The following GMPPB variants were observed in gnomAD, a reference collection of about 807,000 sequenced individuals.
GMPPB encodes the protein mannose-1-phosphate guanylyltransferase catalytic subunit beta.
GMPPB carries 38 observed loss-of-function variants against 40.3 expected under a neutral mutation model. That is an observed-to-expected ratio of 0.94 (90% CI 0.73 to 1.24). GMPPB has a LOEUF of 1.24. Among genes scored for constraint, GMPPB ranks in the 50% most tolerant of loss-of-function variants. The probability of loss-of-function intolerance (pLI) is 0.00; values close to 1 mark genes in which losing one functional copy is unlikely to be tolerated. For missense variants in GMPPB, 436 were observed against 487.1 expected (o/e 0.90, Z 0.99); for synonymous variants, 193 against 191.8 (o/e 1.01, Z -0.05).
rs756576625 is a variant in GMPPB at position 49,722,370 on chromosome 3, G to A, written c.641-12C>T. 6.2e-7 allele frequency: 1 copy of A among 1,613,590 alleles called. No individual in the cohort carries two copies. The highest frequency in any genetic ancestry group is 1.1e-5 in the South Asian group (1 of 91,028). The stretch of plus-strand genomic sequence containing the variant: ...GTCCATCCAGAAGCCTGTAGGGAGG[G>A]ATGCATCAGGGGCCTCAGCCCAGCC... On this transcript the variant is annotated splice_polypyrimidine_tract_variant and intron_variant, in intron 6 of 8. Coordinates refer to ENST00000308388, the MANE Select transcript of GMPPB (RefSeq NM_021971.4).
chr3:49,722,804 T>C (rs778763772), intron 4 of GMPPB, 50 bp from the exon 5 acceptor site: 1 of 1,574,942 alleles, frequency 6.3e-7, no homozygotes, highest in Non-Finnish European at 8.6e-7. Context: ...TCCTAAGCCT[T>C]GATACACATG....
Position 49,722,655 on chromosome 3 carries a change from A to C in GMPPB, c.502T>G (p.Ser168Ala). The C allele has an allele frequency of 6.2e-7, 1 of 1,614,004 alleles. No individual in the cohort carries two copies. The highest frequency in any genetic ancestry group is 2.2e-5 in the East Asian group (1 of 44,886). ...TACATGCCTGCGTTGATCTTATTGG[A>C]CACAAACACCTGTGGCTTCTCCACG... The part of the protein sequence containing the change: ...RFVEKPQVFV[S>A]NKINAGMYIL... The change falls in exon 5 of 9, where the codon TCC (serine) becomes GCC (alanine). Residue 168 changes from serine to alanine, a missense_variant. Physicochemically the swap from Ser to Ala is moderately conservative, Grantham distance 99 (BLOSUM62 1). Transcript: ENST00000308388.
rs1232189076 is a variant in GMPPB, at chr3:49,723,097, C to T, written c.277G>A (p.Ala93Thr). The change falls in exon 4 of 9, where the codon GCC (alanine) becomes ACC (threonine). Residue 93 changes from alanine (A) to threonine (T), a missense_variant. By Grantham distance (58) the Ala-to-Thr change is moderately conservative (BLOSUM62 0). Transcript: ENST00000308388. ...PLGTAGPLALARDLLSETADP... is the reference protein window; with the variant it reads ...PLGTAGPLALTRDLLSETADP... Reference sequence around the variant, plus strand: ...GCAGTCTCAGAGAGTAGGTCACGGGCCAGCGCCAGGGGCCCAGCTGGGGGA... The same window carrying T: ...GCAGTCTCAGAGAGTAGGTCACGGGTCAGCGCCAGGGGCCCAGCTGGGGGA... The T allele has an allele frequency of 6.2e-7, 1 of 1,613,860 alleles. No homozygotes were observed. Among genetic ancestry groups the T allele is most frequent in the Non-Finnish European group, 8.5e-7 (1 of 1,179,984 alleles).
Position 49,720,801 on chromosome 3 carries a change from T to G in GMPPB, c.*951A>C. 1 of 1,614,150 alleles carries G rather than the reference T, an allele frequency of 6.2e-7. No individual in the cohort carries two copies. The highest frequency in any genetic ancestry group is 8.5e-7 in the Non-Finnish European group (1 of 1,180,006). Reference sequence around the variant, plus strand: ...TTGACACTACCTACCACTCCCCAGATGCGGATTATATCAGTGCCGATGAGC... The same window carrying G: ...TTGACACTACCTACCACTCCCCAGAGGCGGATTATATCAGTGCCGATGAGC... On this transcript the variant is annotated 3_prime_UTR_variant, in exon 9 of 9. Transcript: ENST00000308388.
In GMPPB at chr3:49,723,597, C is replaced by A. The variant is rs2108213393; in HGVS notation, c.129+1G>T. On this transcript the variant is annotated splice_donor_variant, in intron 1 of 8. Coordinates refer to ENST00000308388, the MANE Select transcript of GMPPB (RefSeq NM_021971.4). LOFTEE classifies it high-confidence loss of function. ...ACTCTGATCCCGACCCAGGGTCTTA[C>A]CGCGGCTAGCGCCTCCACTTGGTGC... is the stretch of plus-strand genomic sequence containing the variant. 1.3e-6 allele frequency: 2 copies of A among 1,592,682 alleles called. No homozygotes were observed. The highest frequency in any genetic ancestry group is 1.7e-6 in the Non-Finnish European group (2 of 1,168,090).
Position 49,720,483 on chromosome 3 carries a change from GACTGCCCTTGC to G in GMPPB, c.*1258_*1268del, listed in dbSNP as rs1380010176. On this transcript the variant is annotated 3_prime_UTR_variant, in exon 9 of 9. Transcript: ENST00000308388. ...CTTTTAGCCAGGCCCCAAGCCTTCT[GACTGCCCTTGC>G]ACCCTCCCCTACCTAGGAGAGAGCA... The G allele has an allele frequency of 6.6e-7, 1 of 1,519,834 alleles. No individual in the cohort carries two copies. The highest frequency in any genetic ancestry group is 8.8e-7 in the Non-Finnish European group (1 of 1,132,314). The allele number at this position is 1,519,834 out of a possible 1,614,324, so 94.1% of individuals were successfully genotyped here.
At position 49,721,305 on chromosome 3, in the gene GMPPB, G is replaced by T; in HGVS notation, c.*447C>A. On this transcript the variant is annotated 3_prime_UTR_variant, in exon 9 of 9. Coordinates refer to ENST00000308388, the MANE Select transcript of GMPPB (RefSeq NM_021971.4). ...CGAGTACTACCTCCTCAGCTGCCTA[G>T]CCCTCACAGCCTGTGCCATCCTGGA... 1 of 1,614,170 alleles carries T rather than the reference G, an allele frequency of 6.2e-7. No individual in the cohort carries two copies. Among genetic ancestry groups the T allele is most frequent in the Non-Finnish European group, 8.5e-7 (1 of 1,180,014 alleles).
intron 4 of GMPPB, 76 bp from the exon 5 acceptor site, chr3:49,722,830 AGAG>A: frequency 6.5e-7 from 1 of 1,538,472 alleles, no homozygotes; most frequent in Middle Eastern, 1.7e-4. Flanking sequence ...CCAGATCTCA[AGAG>A]ACTCTGCCCC....
chr3:49,720,669 G>C lies in GMPPB; in HGVS notation c.*1083C>G. 2 of 1,595,164 alleles carry C rather than the reference G, an allele frequency of 1.3e-6. No homozygotes were observed. Among genetic ancestry groups the C allele is most frequent in the Non-Finnish European group, 1.7e-6 (2 of 1,166,242 alleles). ...CTGCAGAGCTGTGAGTGGGCTGGTG[G>C]GGCAGGTCAGGGAAATCTGGGGCTG... On this transcript the variant is annotated 3_prime_UTR_variant, in exon 9 of 9. Coordinates refer to ENST00000308388, the MANE Select transcript of GMPPB (RefSeq NM_021971.4).
chr3:49,720,757 A>T lies in GMPPB; in HGVS notation c.*995T>A. On this transcript the variant is annotated 3_prime_UTR_variant, in exon 9 of 9. Transcript: ENST00000308388. ...GCTGGGAATATTCAAGAGGCATCACATCCTCAGCTACCTCTGACTTGACAC... is the reference window on the plus strand; with the variant it reads ...GCTGGGAATATTCAAGAGGCATCACTTCCTCAGCTACCTCTGACTTGACAC... 5 of 1,613,044 alleles carry T rather than the reference A, an allele frequency of 3.1e-6. No homozygotes were observed. The highest frequency in any genetic ancestry group is 3.4e-6 in the Non-Finnish European group (4 of 1,179,046).
rs201123231 is a variant in GMPPB at position 49,722,130 on chromosome 3, G to A, written c.786C>T (p.Ile262=). ...TGGGGCCAATGCTGCAGTTCTGGCCGATGCGGGCACTTGGGTCCTGAGAGC... is the reference window on the plus strand; with the variant it reads ...TGGGGCCAATGCTGCAGTTCTGGCCAATGCGGGCACTTGGGTCCTGAGAGC... ...GNVLVDPSAR[I]GQNCSIGPNV... is the part of the protein sequence containing the mutation. Residue 262 remains isoleucine, a synonymous_variant, in exon 8 of 9, where the codon ATC becomes ATT. Coordinates refer to ENST00000308388, the MANE Select transcript of GMPPB (RefSeq NM_021971.4). 14 of 1,611,694 alleles carry A rather than the reference G, an allele frequency of 8.7e-6. No homozygotes were observed. Among genetic ancestry groups the A allele is most frequent in the Admixed American group, 8.3e-5 (5 of 59,978 alleles).
chr3:49,722,549 T>C, intron 5 of GMPPB, 39 bp from the exon 6 acceptor site: 1 of 1,613,012 alleles, frequency 6.2e-7, no homozygotes, highest in Non-Finnish European at 8.5e-7. Context: ...GTCATGGCGG[T>C]GATGGCCTGC....
In GMPPB at chr3:49,722,032, G is replaced by A; in HGVS notation, c.884C>T (p.Ala295Val). The change falls in exon 8 of 9, where the codon GCC becomes GTC. Residue 295 changes from alanine (A) to valine (V), a missense_variant. By Grantham distance (64) the Ala-to-Val change is moderately conservative. Coordinates refer to ENST00000308388, the MANE Select transcript of GMPPB (RefSeq NM_021971.4). ...AAGCCAGGAATGGGAACGGATCCGG[G>A]CATCCCGCAGCACCGTGCACCGCCG... Reference protein sequence around the residue: ...CIRRCTVLRDARIRSHSWLES... With the variant: ...CIRRCTVLRDVRIRSHSWLES... 6.2e-7 allele frequency: 1 copy of A among 1,613,566 alleles called. No homozygotes were observed.
intron 4 of GMPPB, 22 bp downstream of exon 4, chr3:49,722,946 AAGAG>A (rs747805344): frequency 3.7e-6 from 6 of 1,610,146 alleles, no homozygotes; most frequent in East Asian, 2.2e-5. Flanking sequence ...TGAAAGTGTC[AAGAG>A]AGAGAAGACC....
chr3:49,720,533 C>G lies in GMPPB; in HGVS notation c.*1219G>C, dbSNP rs1254739363. On this transcript the variant is annotated 3_prime_UTR_variant, in exon 9 of 9. Coordinates refer to ENST00000308388, the MANE Select transcript of GMPPB (RefSeq NM_021971.4). ...TAGGAGAGAGCAAGCCACATCAGTG[C>G]TCCTGGCAGATCCCTGCTTCCAGCT... 1 of 1,603,360 alleles carries G rather than the reference C, an allele frequency of 6.2e-7. No homozygotes were observed. Among genetic ancestry groups the G allele is most frequent in the East Asian group, 2.2e-5 (1 of 44,780 alleles).
chr3:49,721,033 A>G lies in GMPPB; in HGVS notation c.*719T>C. 1 of 1,612,474 alleles carries G rather than the reference A, an allele frequency of 6.2e-7. No homozygotes were observed. The highest frequency in any genetic ancestry group is 1.1e-5 in the South Asian group (1 of 90,928). ...TCCTCCCTGCAGCCCACCAGTGAGG[A>G]GGACCTCTGCCCCATCTGCTATGCC... On this transcript the variant is annotated 3_prime_UTR_variant, in exon 9 of 9. Coordinates refer to ENST00000308388, the MANE Select transcript of GMPPB (RefSeq NM_021971.4).
At position 49,723,607 on chromosome 3, in the gene GMPPB, C is replaced by G. The variant is rs765860505; in HGVS notation, c.120G>C (p.Ala40=). Residue 40 remains alanine, a synonymous_variant, in exon 1 of 9, where the codon GCG becomes GCC. Transcript: ENST00000308388. ...NKPILLHQVE[A]LAAAGVDHVI... is the part of the protein sequence containing the mutation. ...CGACCCAGGGTCTTACCGCGGCTAG[C>G]GCCTCCACTTGGTGCAGCAAGATGG... The G allele has an allele frequency of 6.3e-7, 1 of 1,589,420 alleles. No individual in the cohort carries two copies. The highest frequency in any genetic ancestry group is 8.6e-7 in the Non-Finnish European group (1 of 1,166,502).
At position 49,723,269 on chromosome 3, in the gene GMPPB, C is replaced by T. The variant is rs1210237000; in HGVS notation, c.244G>A (p.Glu82Lys). ...GIRISMSHEE[E>K]PLGTAGPLAL... ...CTCTACTGACCTGTCCCCAAAGGCT[C>T]CTCTTCATGGGACATGGAGATTCGG... is the stretch of plus-strand genomic sequence containing the variant. Residue 82 changes from glutamate (E) to lysine (K), a missense_variant, in exon 3 of 9, where the codon GAG becomes AAG. Physicochemically the swap from Glu to Lys is moderately conservative, Grantham distance 56. Transcript: ENST00000308388. 1.9e-6 allele frequency: 3 copies of T among 1,614,062 alleles called. No individual in the cohort carries two copies. Among genetic ancestry groups the T allele is most frequent in the East Asian group, 4.5e-5 (2 of 44,894 alleles).
Position 49,721,835 on chromosome 3 carries a change from C to T in GMPPB, c.1000G>A (p.Asp334Asn), listed in dbSNP as rs397509422. The T allele has an allele frequency of 6.9e-5, 112 of 1,613,784 alleles. No homozygotes were observed. In the South Asian group the frequency reaches 1.2e-3, roughly 17 times the overall value. ...TVLGEDVIVN[D>N]ELYLNGASVL... The stretch of plus-strand genomic sequence containing the variant: ...CTGGCTCCGTTGAGGTAGAGCTCAT[C>T]ATTAACTATGACGTCCTCACCCAGC... The change falls in exon 9 of 9, where the codon GAT becomes AAT. Residue 334 changes from aspartate (D) to asparagine (N), a missense_variant. Physicochemically the swap from Asp to Asn is conservative, Grantham distance 23. Coordinates refer to ENST00000308388, the MANE Select transcript of GMPPB (RefSeq NM_021971.4).
Sources: gnomAD v4.1 joint callset for allele counts on GRCh38, gnomAD v4.1.1 for gene constraint, MANE v1.5 for transcripts, NCBI Gene and HGNC (gene_info 2026-07-23, HGNC 2026-07-21) for gene names.